The following ADGRB3 variants were observed in gnomAD, a reference collection of about 807,000 sequenced individuals.
ADGRB3 encodes adhesion G protein-coupled receptor B3.
A neutral mutation model predicts 193.4 loss-of-function variants in ADGRB3; 37 were observed. The observed-to-expected ratio is 0.19, with a 90% CI of 0.15 to 0.25. The LOEUF (loss-of-function observed/expected upper bound fraction) is 0.25, where lower values mean the gene tolerates loss of function less well. Ranked by LOEUF, ADGRB3 falls within the 10% of genes least tolerant of loss-of-function variation. The probability of loss-of-function intolerance (pLI) is 1.00; values close to 1 mark genes in which losing one functional copy is unlikely to be tolerated. For synonymous variants in ADGRB3, 690 were observed against 644.2 expected (o/e 1.07, Z -1.08); for missense variants, 1,637 against 1,852.9 (o/e 0.88, Z 2.14).
intron 3 of ADGRB3, among the ~76,000 whole-genome samples, chr6:68,810,800 G>A (rs1322004775): frequency 6.6e-6 from 1 of 152,000 alleles, no homozygotes; most frequent in African/African-American, 2.4e-5. Flanking sequence ...AATTATTAGA[G>A]CAAGAAAAAT....
intron 17 of ADGRB3, among the ~76,000 whole-genome samples, chr6:69,186,836 A>T (rs59987327): frequency 2.2e-3 from 339 of 152,084 alleles, no homozygotes; most frequent in African/African-American, 7.7e-3. Flanking sequence ...ACATTTTTTT[A>T]AATACAGAAG....
chr6:68,975,424 A>T, intron 10 of ADGRB3, 84 bp downstream of exon 10: 1 of 1,012,996 alleles, frequency 9.9e-7, no homozygotes, highest in South Asian at 1.6e-5. Flanking sequence ...TCTGCTGTAC[A>T]ATCAAATCAG....
intron 17 of ADGRB3, among the ~76,000 whole-genome samples, chr6:69,142,640 T>C (rs1774371425): frequency 1.3e-5 from 2 of 152,224 alleles, no homozygotes; most frequent in African/African-American, 4.8e-5. Context: ...TGATAGTATG[T>C]CAGCTGCATC....
intron 17 of ADGRB3, among the ~76,000 whole-genome samples, chr6:69,099,077 C>T (rs1013833078): frequency 2.0e-5 from 3 of 152,136 alleles, no homozygotes; most frequent in Non-Finnish European, 4.4e-5. Flanking sequence ...TCATACTCCC[C>T]AGGGGACATT....
chr6:68,862,516 AAGGTACTATATTTTACAG>A (rs1447052881), intron 3 of ADGRB3, among the ~76,000 whole-genome samples: 3 of 152,196 alleles, frequency 2.0e-5, no homozygotes, highest in Non-Finnish European at 4.4e-5. Context: ...TTTTGTGAAG[AAGGTACTATATTTTACAG>A]AGTTGGGGTC....
intron 3 of ADGRB3, among the ~76,000 whole-genome samples, chr6:68,909,119 T>C (rs1766628668): frequency 6.6e-6 from 1 of 152,186 alleles, no homozygotes; most frequent in Non-Finnish European, 1.5e-5. Flanking sequence ...AGGTAATGTG[T>C]GTTAACAGGT....
chr6:69,180,344 C>T (rs1238513924), intron 17 of ADGRB3, among the ~76,000 whole-genome samples: 1 of 152,202 alleles, frequency 6.6e-6, no homozygotes, highest in East Asian at 1.9e-4. Flanking sequence ...CTTCTTGCAC[C>T]ACAATCTATG....
chr6:69,268,618 G>A (rs939216110), intron 20 of ADGRB3, among the ~76,000 whole-genome samples: 4 of 152,076 alleles, frequency 2.6e-5, no homozygotes, highest in Non-Finnish European at 4.4e-5. Flanking sequence ...TACTTCTCAG[G>A]CCATAAGACC....
intron 5 of ADGRB3, among the ~76,000 whole-genome samples, chr6:68,941,752 A>C (rs1767648115): frequency 6.6e-6 from 1 of 152,054 alleles, no homozygotes; most frequent in Admixed American, 6.5e-5. Flanking sequence ...AATAAATGCA[A>C]TAGTTTATAA....
rs189186393 is a variant in ADGRB3, at chr6:68,790,274, G to A, written c.758-140285G>A. Among the ~76,000 whole-genome samples, 359 of 152,192 alleles carry A rather than the reference G, an allele frequency of 2.4e-3. 1 individual carries two copies. The highest frequency in any genetic ancestry group is 8.2e-3 in the African/African-American group (339 of 41,510). The stretch of plus-strand genomic sequence containing the variant: ...CAGGGAGGCTGGGGGAGGGGTGCCC[G>A]CCATTGTTGAGTTAGTTGTTTGTTT... On this transcript the variant is annotated intron_variant, in intron 3 of 31. Coordinates refer to ENST00000370598, the MANE Select transcript of ADGRB3 (RefSeq NM_001704.3).
chr6:68,894,862 G>T lies in ADGRB3; in HGVS notation c.758-35697G>T, dbSNP rs116663584. On this transcript the variant is annotated intron_variant, in intron 3 of 31. Coordinates refer to ENST00000370598, the MANE Select transcript of ADGRB3 (RefSeq NM_001704.3). ...CTATTAATCCTCTTGCTATGTGAAT[G>T]AGCTATTTTTTTAAAATTCAGTGTT... is the stretch of plus-strand genomic sequence containing the variant. Among the ~76,000 whole-genome samples the T allele has an allele frequency of 1.6e-3, 249 of 151,840 alleles. 3 individuals are homozygous for T. The highest frequency in any genetic ancestry group is 5.8e-3 in the African/African-American group (240 of 41,490).
intron 3 of ADGRB3, among the ~76,000 whole-genome samples, chr6:68,892,663 T>TATTG (rs1489770704): frequency 2.0e-5 from 3 of 152,082 alleles, no homozygotes; most frequent in African/African-American, 7.2e-5. Context: ...GTGCAATAAA[T>TATTG]ATTGGCTGGG....
chr6:69,023,565 A>G (rs1770333176), intron 13 of ADGRB3, among the ~76,000 whole-genome samples: 1 of 152,166 alleles, frequency 6.6e-6, no homozygotes, highest in Non-Finnish European at 1.5e-5. Flanking sequence ...ACATATGTAT[A>G]GAAGTGAAGG....
intron 3 of ADGRB3, among the ~76,000 whole-genome samples, chr6:68,745,598 G>A (rs184379764): frequency 2.5e-4 from 38 of 151,978 alleles, no homozygotes; most frequent in Non-Finnish European, 4.1e-4. Flanking sequence ...ATTCTCAGTA[G>A]ATATTCTGTT....
chr6:69,343,398 T>C (rs1164368935), intron 26 of ADGRB3, among the ~76,000 whole-genome samples: 6 of 145,326 alleles, frequency 4.1e-5, no homozygotes, highest in Admixed American at 1.4e-4. Context: ...TGTGATCTCA[T>C]TGTTCAATTC....
chr6:68,798,648 G>T (rs1251320366), intron 3 of ADGRB3, among the ~76,000 whole-genome samples: 1 of 152,112 alleles, frequency 6.6e-6, no homozygotes, highest in African/African-American at 2.4e-5. Flanking sequence ...AAAACTGCAC[G>T]TTCTGCACGT....
chr6:68,974,857 T>A lies in ADGRB3; in HGVS notation c.1620T>A (p.Asn540Lys), dbSNP rs1160740699. The A allele has an allele frequency of 3.1e-6, 5 of 1,613,584 alleles. No individual in the cohort carries two copies. The Admixed American group carries it at 8.3e-5, about 27-fold the overall frequency. ...GDLAFNQCPLNATGTTSRRCS... is the reference protein window; with the variant it reads ...GDLAFNQCPLKATGTTSRRCS... ...TGGCATTCAATCAATGTCCCCTGAA[T>A]GCCACAGGTACAGTAGGATGACCCA... Residue 540 changes from asparagine (N) to lysine (K), a missense_variant, in exon 9 of 32, where the codon AAT becomes AAA. Physicochemically the swap from Asn to Lys is moderately conservative, Grantham distance 94. Transcript: ENST00000370598.
chr6:69,055,729 C>T (rs1390535864), intron 15 of ADGRB3, among the ~76,000 whole-genome samples: 2 of 152,174 alleles, frequency 1.3e-5, no homozygotes, highest in Non-Finnish European at 2.9e-5. Context: ...CACCATTTCA[C>T]ATTCCCACCA....
chr6:68,932,453 A>T (rs1167517098), intron 4 of ADGRB3, among the ~76,000 whole-genome samples: 1 of 152,170 alleles, frequency 6.6e-6, no homozygotes, highest in Admixed American at 6.5e-5. Context: ...GGAATTACTA[A>T]TTTCAAAATG....
Sources: gnomAD v4.1 joint callset for allele counts (sites outside exome capture counted in the v4.1 genomes callset) on GRCh38, gnomAD v4.1.1 for gene constraint, MANE v1.5 for transcripts, NCBI Gene and HGNC (gene_info 2026-07-23, HGNC 2026-07-21) for gene names.